Variants in NFIC observed in about 807,000 individuals in gnomAD.
NFIC encodes the protein nuclear factor 1 C-type.
Under a neutral mutation model 54.4 loss-of-function variants are expected in NFIC, and 12 were observed. The observed-to-expected ratio is 0.22, with a 90% CI of 0.14 to 0.36. The LOEUF is 0.36. Among genes scored for constraint, NFIC ranks in the 10% least tolerant of loss-of-function variants. NFIC has a pLI of 1.00. For missense variants in NFIC, 575 were observed against 718.2 expected (o/e 0.80, Z 2.28); for synonymous variants, 322 against 319.2 (o/e 1.01, Z -0.09).
rs1384853907 is a variant in NFIC, at chr19:3,370,059, G to T, written c.30+3393G>T. Among the ~76,000 whole-genome samples, 4 of 152,156 alleles carry T rather than the reference G, an allele frequency of 2.6e-5. No homozygotes were observed. Among genetic ancestry groups the T allele is most frequent in the Non-Finnish European group, 2.9e-5 (2 of 68,008 alleles). Reference sequence around the variant, plus strand: ...CTGGGCCCTGGGGATAGGTGGGGGTGGGGGAGGCAGCAGGGCCCAGGCCCA... The same window carrying T: ...CTGGGCCCTGGGGATAGGTGGGGGTTGGGGAGGCAGCAGGGCCCAGGCCCA... On this transcript the variant is annotated intron_variant, in intron 1 of 10. Coordinates refer to ENST00000443272, the MANE Select transcript of NFIC (RefSeq NM_001245002.2). This position sits in a 1 kb window ranked among gnomAD's most constrained non-coding sequence, Gnocchi z 5.2.
Position 3,434,497 on chromosome 19 carries a change from C to T in NFIC, c.833+97C>T, listed in dbSNP as rs571473623. 36 of 1,451,238 alleles carry T rather than the reference C, an allele frequency of 2.5e-5. No individual in the cohort carries two copies. The African/African-American group carries it at 4.7e-4, about 19-fold the overall frequency. The allele number at this position is 1,451,238 out of a possible 1,614,324, so 89.9% of individuals were successfully genotyped here. A position where few individuals can be genotyped will look rare whatever the true frequency, so the allele number is the denominator to read the frequency against. On this transcript the variant is annotated intron_variant, in intron 5 of 10. Coordinates refer to ENST00000443272, the MANE Select transcript of NFIC (RefSeq NM_001245002.2). ...TGACTCATTCCTCTCCCTGGAATACCTCTTTTCACGATTCACCTGGCCTGA... is the reference window on the plus strand; with the variant it reads ...TGACTCATTCCTCTCCCTGGAATACTTCTTTTCACGATTCACCTGGCCTGA...
chr19:3,455,196 G>T (rs2082532555), intron 9 of NFIC, among the ~76,000 whole-genome samples: 2 of 152,254 alleles, frequency 1.3e-5, no homozygotes, highest in Non-Finnish European at 2.9e-5. Flanking sequence ...TGTGAAATGG[G>T]AGCGTTGACT....
rs2082478458 is a variant in NFIC at position 3,452,416 on chromosome 19, T to C, written c.1085-66T>C. 1 of 1,575,090 alleles carries C rather than the reference T, an allele frequency of 6.3e-7. No homozygotes were observed. Among genetic ancestry groups the C allele is most frequent in the African/African-American group, 1.3e-5 (1 of 74,216 alleles). On this transcript the variant is annotated intron_variant, in intron 7 of 10. Transcript: ENST00000443272. This position sits in a 1 kb window ranked among gnomAD's most constrained non-coding sequence, Gnocchi z 5.3. ...AGGAATGACACCCACAGACACACAG[T>C]CACACGGTCACAGAGCAGACCGGCT...
upstream of NFIC, among the ~76,000 whole-genome samples, chr19:3,362,157 T>C (rs1423244612): frequency 6.6e-6 from 1 of 152,090 alleles, no homozygotes; most frequent in African/African-American, 2.4e-5. Flanking sequence ...TGTGTCATTG[T>C]GATGGTGCGT....
At position 3,434,373 on chromosome 19, in the gene NFIC, G is replaced by T; in HGVS notation, c.806G>T (p.Arg269Ile). 4 of 1,612,118 alleles carry T rather than the reference G, an allele frequency of 2.5e-6. No homozygotes were observed. The highest frequency in any genetic ancestry group is 3.4e-6 in the Non-Finnish European group (4 of 1,179,204). Residue 269 changes from arginine to isoleucine, a missense_variant, in exon 5 of 11, where the codon AGA becomes ATA. This residue lies in a region of NFIC where 447 missense variants were observed against 526.9 expected (regional missense o/e 0.85). Coordinates refer to ENST00000443272, the MANE Select transcript of NFIC (RefSeq NM_001245002.2). The part of the protein sequence containing the change: ...DLNPASTGLR[R>I]TLPSTSSSGS... ...AACCCAGCCAGCACTGGCCTCAGAA[G>T]AACGCTGCCCAGCACCTCCTCCAGT...
At chr19:3,434,547 C>A in intron 5 of NFIC, 147 bp downstream of exon 5, 1 of 1,270,558 alleles carries the variant, frequency 7.9e-7, no homozygotes, top group Non-Finnish European at 1.0e-6. Flanking sequence ...TCTCATCCTT[C>A]AAAACCCAGC....
chr19:3,413,314 T>C (rs1280061042), intron 2 of NFIC, among the ~76,000 whole-genome samples: 1 of 151,900 alleles, frequency 6.6e-6, no homozygotes, highest in Admixed American at 6.6e-5. Flanking sequence ...AAACCGCCAA[T>C]GAGAAGGAGC....
At chr19:3,359,634 A>G, upstream of NFIC, 3 of 1,294,054 alleles carry the variant, frequency 2.3e-6, no homozygotes, top group Admixed American at 3.2e-5. Flanking sequence ...CTCGCCGGGG[A>G]CCGAGCGCGC....
Position 3,444,868 on chromosome 19 carries a change from C to T in NFIC, c.959-4146C>T, listed in dbSNP as rs149111713. 4.3e-3 allele frequency among the ~76,000 whole-genome samples: 651 copies of T among 152,336 alleles called. 7 individuals carry two copies. Among genetic ancestry groups the T allele is most frequent in the African/African-American group, 0.015 (614 of 41,570 alleles). On this transcript the variant is annotated intron_variant, in intron 6 of 10. Transcript: ENST00000443272. Reference sequence around the variant, plus strand: ...ACATATATGCACGCACGTGCACAGGCGTGCACACATGTATGCATGCATGCT... The same window carrying T: ...ACATATATGCACGCACGTGCACAGGTGTGCACACATGTATGCATGCATGCT...
rs539976395 is a variant in NFIC, at chr19:3,448,471, A to G, written c.959-543A>G. The stretch of plus-strand genomic sequence containing the variant: ...TTTTGTCCCAGGCAGCCTGGGAGGT[A>G]GTGAGGCCCCTGTCTGCAGAGTGAT... On this transcript the variant is annotated intron_variant, in intron 6 of 10. Transcript: ENST00000443272. Among the ~76,000 whole-genome samples, 432 of 152,280 alleles carry G rather than the reference A, an allele frequency of 2.8e-3. 1 individual carries two copies. Among genetic ancestry groups the G allele is most frequent in the African/African-American group, 9.3e-3 (385 of 41,570 alleles).
Position 3,462,332 on chromosome 19 carries a change from A to G in NFIC, c.1510-420A>G, listed in dbSNP as rs1186160268. 2.6e-5 allele frequency among the ~76,000 whole-genome samples: 4 copies of G among 152,168 alleles called. No individual in the cohort carries two copies. The East Asian group carries it at 7.7e-4, about 29-fold the overall frequency. ...AGGAGGCAGAGGTTGTAGTGAGCCA[A>G]TATCACGCCATTGCACTCCAGCCTG... On this transcript the variant is annotated intron_variant, in intron 10 of 10. Coordinates refer to ENST00000443272, the MANE Select transcript of NFIC (RefSeq NM_001245002.2).
upstream of NFIC, among the ~76,000 whole-genome samples, chr19:3,362,196 A>C (rs1278000606): frequency 6.6e-6 from 1 of 152,110 alleles, no homozygotes; most frequent in Non-Finnish European, 1.5e-5. Context: ...CTGTATGGGA[A>C]TACCGGGGGG....
intron 1 of NFIC, among the ~76,000 whole-genome samples, chr19:3,381,413 AAAT>A (rs1445455343): frequency 1.3e-5 from 2 of 150,718 alleles, no homozygotes; most frequent in African/African-American, 2.5e-5. Context: ...AAAAAAAAAA[AAAT>A]GATCCTCCAC....
intron 2 of NFIC, among the ~76,000 whole-genome samples, chr19:3,421,326 G>T (rs1240748378): frequency 6.6e-6 from 1 of 152,248 alleles, no homozygotes; most frequent in East Asian, 1.9e-4. Context: ...CCGGAAGAGG[G>T]TCCTGTGCCC....
At chr19:3,381,651 G>A (rs1203651262) in intron 1 of NFIC, 61 bp from the exon 2 acceptor site, 16 of 1,568,624 alleles carry the variant, frequency 1.0e-5, no homozygotes, top group Non-Finnish European at 1.4e-5. Flanking sequence ...TTCGGGGCCG[G>A]GCAGTGGGTC....
At chr19:3,397,397 C>G (rs1157495147) in intron 2 of NFIC, among the ~76,000 whole-genome samples, 3 of 152,220 alleles carry the variant, frequency 2.0e-5, no homozygotes, top group African/African-American at 7.2e-5. Flanking sequence ...TGCCGGTGAG[C>G]AGGCCGCAGG....
At chr19:3,361,809 T>C (rs776905458), upstream of NFIC, among the ~76,000 whole-genome samples, 1 of 152,006 alleles carries the variant, frequency 6.6e-6, no homozygotes, top group Non-Finnish European at 1.5e-5. Flanking sequence ...CATTTTGGGT[T>C]CTGTGCACAG....
chr19:3,360,274 C>T (rs1163302385), intron 1 of NFIC, among the ~76,000 whole-genome samples: 6 of 145,814 alleles, frequency 4.1e-5, no homozygotes, highest in Middle Eastern at 3.5e-3. Context: ...CGGCCGCGCT[C>T]GGCGCCGCGC....
intron 6 of NFIC, among the ~76,000 whole-genome samples, chr19:3,436,883 G>A (rs1053547209): frequency 1.5e-4 from 23 of 152,162 alleles, no homozygotes; most frequent in African/African-American, 5.1e-4. Flanking sequence ...AGCTCTGTGT[G>A]CTGTGTAACC....
Sources: allele counts gnomAD v4.1 joint callset (sites outside exome capture counted in the v4.1 genomes callset), GRCh38; gene constraint gnomAD v4.1.1; regional missense constraint gnomAD v4.1.1; non-coding constraint Gnocchi (gnomAD v3.1); transcripts MANE v1.5; gene names NCBI Gene and HGNC (gene_info 2026-07-23, HGNC 2026-07-21).